The following CRADD variants were observed in gnomAD, a reference collection of about 807,000 sequenced individuals.
CRADD encodes the protein death domain-containing protein CRADD.
CRADD carries 9 observed loss-of-function variants against 15.5 expected under a neutral mutation model. The observed-to-expected ratio is 0.58, with a 90% CI of 0.35 to 1.01. The LOEUF (loss-of-function observed/expected upper bound fraction) is 1.01. Among genes scored for constraint, CRADD ranks in the 50% least tolerant of loss-of-function variants. CRADD has a pLI of 0.02. For missense variants in CRADD, 227 were observed against 250.3 expected, an observed-to-expected ratio of 0.91 and a Z score of 0.63; for synonymous variants, 118 against 107.6, an observed-to-expected ratio of 1.10 and a Z score of -0.60.
chr12:93,687,294 T>C (rs35783200), intron 2 of CRADD, among the ~76,000 whole-genome samples: 14,148 of 152,234 alleles, frequency 0.093, 954 homozygotes, highest in Non-Finnish European at 0.14. Context: ...TGCCTTTTTT[T>C]CTCCCTTCTG....
intron 2 of CRADD, among the ~76,000 whole-genome samples, chr12:93,804,745 G>A (rs2137000552): frequency 6.6e-6 from 1 of 152,128 alleles, no homozygotes; most frequent in Non-Finnish European, 1.5e-5. Flanking sequence ...AAACTTCATG[G>A]CCAGGCAGTG....
intron 2 of CRADD, among the ~76,000 whole-genome samples, chr12:93,834,797 T>C (rs543553037): frequency 6.6e-6 from 1 of 152,272 alleles, no homozygotes; most frequent in African/African-American, 2.4e-5. Context: ...CTAAAATTAG[T>C]TTTATATTTA....
chr12:93,822,902 A>G (rs528778873), intron 2 of CRADD, among the ~76,000 whole-genome samples: 2 of 152,334 alleles, frequency 1.3e-5, no homozygotes, highest in East Asian at 3.9e-4. Context: ...TTGCTCCAAA[A>G]TGGAAATCAG....
chr12:93,751,346 T>C (rs1357917432), intron 2 of CRADD, among the ~76,000 whole-genome samples: 1 of 152,066 alleles, frequency 6.6e-6, no homozygotes, highest in East Asian at 1.9e-4. Context: ...AAACAGGAGG[T>C]TCAGTCAATC....
At chr12:93,829,660 C>G (rs762816367) in intron 2 of CRADD, among the ~76,000 whole-genome samples, 8 of 152,008 alleles carry the variant, frequency 5.3e-5, no homozygotes, top group Non-Finnish European at 8.8e-5. Context: ...AGGGTCAGCT[C>G]TTTCATCAGC....
At chr12:93,716,690 T>C (rs1956170058) in intron 2 of CRADD, among the ~76,000 whole-genome samples, 1 of 152,236 alleles carries the variant, frequency 6.6e-6, no homozygotes, top group African/African-American at 2.4e-5. Context: ...TCCCCCCATG[T>C]TTTTTCATGA....
At chr12:93,697,894 G>C (rs977786846) in intron 2 of CRADD, among the ~76,000 whole-genome samples, 1 of 152,176 alleles carries the variant, frequency 6.6e-6, no homozygotes, top group Non-Finnish European at 1.5e-5. Flanking sequence ...GGGGAAATGG[G>C]ATTGGAAAAA....
intron 2 of CRADD, among the ~76,000 whole-genome samples, chr12:93,827,510 G>A (rs965540385): frequency 6.6e-6 from 1 of 152,102 alleles, no homozygotes; most frequent in Non-Finnish European, 1.5e-5. Context: ...TAAAGCTGCC[G>A]GGAACATTCA....
chr12:93,781,671 C>A (rs1466087747), intron 2 of CRADD, among the ~76,000 whole-genome samples: 1 of 152,204 alleles, frequency 6.6e-6, no homozygotes, highest in East Asian at 1.9e-4. Flanking sequence ...TTACCCACAT[C>A]CCCTCCCTCA....
At chr12:93,799,917 T>A (rs758808363) in intron 2 of CRADD, among the ~76,000 whole-genome samples, 3 of 152,236 alleles carry the variant, frequency 2.0e-5, no homozygotes, top group Non-Finnish European at 4.4e-5. Flanking sequence ...CAGCTTAAAA[T>A]TCATTAGCAG....
At chr12:93,741,096 G>A (rs938592548) in intron 2 of CRADD, among the ~76,000 whole-genome samples, 2 of 152,174 alleles carry the variant, frequency 1.3e-5, no homozygotes, top group Non-Finnish European at 2.9e-5. Context: ...ACATCAGGGA[G>A]GAATGATAGA....
At chr12:93,837,687 T>C (rs557289296) in intron 2 of CRADD, 3 of 152,320 alleles carry the variant, frequency 2.0e-5, no homozygotes, top group Admixed American at 1.3e-4. Context: ...AATGGTTTGA[T>C]TTAATGAGAA....
intron 2 of CRADD, among the ~76,000 whole-genome samples, chr12:93,760,349 T>C (rs1585): frequency 0.41 from 62,011 of 151,986 alleles, 13,631 homozygotes; most frequent in East Asian, 0.8. Flanking sequence ...GTCTTAAACA[T>C]CAGCCATGTT....
chr12:93,733,349 T>C (rs1956503529), intron 2 of CRADD, among the ~76,000 whole-genome samples: 1 of 152,136 alleles, frequency 6.6e-6, no homozygotes. Context: ...AATCTGTAGG[T>C]AGGGATTATA....
chr12:93,808,270 C>A (rs552765940), intron 2 of CRADD, among the ~76,000 whole-genome samples: 5 of 152,020 alleles, frequency 3.3e-5, no homozygotes, highest in Non-Finnish European at 7.4e-5. Context: ...TTCACAGTTC[C>A]ACATGGCTGG....
chr12:93,744,636 A>G (rs1207157981), intron 2 of CRADD, among the ~76,000 whole-genome samples: 1 of 152,170 alleles, frequency 6.6e-6, no homozygotes, highest in Non-Finnish European at 1.5e-5. Flanking sequence ...TCTGGGTACC[A>G]CTTTGTTGTG....
chr12:93,800,527 TAATG>T (rs1177011459), intron 2 of CRADD, among the ~76,000 whole-genome samples: 1 of 152,124 alleles, frequency 6.6e-6, no homozygotes, highest in Non-Finnish European at 1.5e-5. Context: ...GTTCTTGTGA[TAATG>T]AGTGAGTTCT....
intron 2 of CRADD, among the ~76,000 whole-genome samples, chr12:93,686,637 A>C (rs1226705676): frequency 6.6e-6 from 1 of 152,244 alleles, no homozygotes; most frequent in Admixed American, 6.5e-5. Context: ...AGATGGAGCC[A>C]TATCCTGGTA....
At chr12:93,802,154 T>C (rs1957483178) in intron 2 of CRADD, among the ~76,000 whole-genome samples, 1 of 152,204 alleles carries the variant, frequency 6.6e-6, no homozygotes, top group Non-Finnish European at 1.5e-5. Flanking sequence ...GCTGTAAACA[T>C]GCATGTGCAT....
Sources: allele counts gnomAD v4.1 joint callset (sites outside exome capture counted in the v4.1 genomes callset), GRCh38; gene constraint gnomAD v4.1.1; transcripts MANE v1.5; gene names NCBI Gene and HGNC (gene_info 2026-07-23, HGNC 2026-07-21).